The following MAML2 variants were observed in gnomAD, a reference collection of about 807,000 sequenced individuals.
MAML2 encodes mastermind-like protein 2.
A neutral mutation model predicts 96.1 loss-of-function variants in MAML2; 22 were observed. The ratio of observed to expected loss-of-function variants is 0.23; its 90% CI spans 0.16 to 0.33. The LOEUF (loss-of-function observed/expected upper bound fraction) is 0.33. MAML2 is among the 10% of genes least tolerant of loss of function. The pLI, the probability that MAML2 is intolerant of heterozygous loss-of-function variation, is 1.00. For missense variants in MAML2, 1,367 were observed against 1,392.4 expected (o/e 0.98, Z 0.29); for synonymous variants, 561 against 521.3 (o/e 1.08, Z -1.04).
chr11:96,174,353 C>T (rs958473680), intron 1 of MAML2, among the ~76,000 whole-genome samples: 3 of 152,194 alleles, frequency 2.0e-5, no homozygotes, highest in African/African-American at 7.2e-5. Context: ...CTGAAATTCT[C>T]CAGCCAACAT....
intron 1 of MAML2, among the ~76,000 whole-genome samples, chr11:96,202,125 A>G (rs1861832186): frequency 6.9e-6 from 1 of 145,044 alleles, no homozygotes; most frequent in Non-Finnish European, 1.5e-5. Flanking sequence ...TGAGGTCAGG[A>G]GATCAAGACT....
intron 1 of MAML2, among the ~76,000 whole-genome samples, chr11:96,292,129 G>C (rs1863222223): frequency 6.6e-6 from 1 of 152,156 alleles, no homozygotes; most frequent in African/African-American, 2.4e-5. Flanking sequence ...AACTACTGCT[G>C]TCATCCTTGG....
At chr11:96,294,475 G>A (rs949511602) in intron 1 of MAML2, among the ~76,000 whole-genome samples, 1 of 152,244 alleles carries the variant, frequency 6.6e-6, no homozygotes, top group Non-Finnish European at 1.5e-5. Flanking sequence ...TTCACCAGTT[G>A]TAGCTAAATG....
At chr11:96,137,079 A>G (rs1004704402) in intron 1 of MAML2, among the ~76,000 whole-genome samples, 2 of 152,180 alleles carry the variant, frequency 1.3e-5, no homozygotes, top group African/African-American at 2.4e-5. Context: ...TCAATTTTCC[A>G]TGAGTTCAGG....
At chr11:96,110,864 G>T (rs909664980) in intron 1 of MAML2, among the ~76,000 whole-genome samples, 2 of 152,180 alleles carry the variant, frequency 1.3e-5, no homozygotes, top group Non-Finnish European at 2.9e-5. Context: ...GATAACCAAA[G>T]ATATTTCAAA....
chr11:96,299,499 A>C (rs958685496), intron 1 of MAML2, among the ~76,000 whole-genome samples: 11 of 151,998 alleles, frequency 7.2e-5, no homozygotes, highest in Non-Finnish European at 1.0e-4. Flanking sequence ...GGAGCAGCTG[A>C]GACTCTCCAC....
chr11:96,162,582 A>C (rs532699866), intron 1 of MAML2, among the ~76,000 whole-genome samples: 56 of 152,132 alleles, frequency 3.7e-4, no homozygotes, highest in African/African-American at 1.3e-3. Flanking sequence ...ATGGTGGTGC[A>C]TGCCGGTAAT....
At chr11:96,189,252 C>T (rs1861618860) in intron 1 of MAML2, among the ~76,000 whole-genome samples, 1 of 152,076 alleles carries the variant, frequency 6.6e-6, no homozygotes, top group South Asian at 2.1e-4. Flanking sequence ...GCCAATAGGA[C>T]CTAATCTGAC....
chr11:96,341,642 C>T lies in MAML2; in HGVS notation c.254G>A (p.Gly85Glu), dbSNP rs1362151016. The change falls in exon 1 of 5, where the codon GGG (glycine) becomes GAG (glutamate). Residue 85 changes from glycine to glutamate, a missense_variant. Physicochemically the swap from Gly to Glu is moderately conservative, Grantham distance 98. Transcript: ENST00000524717. ...GGTGTGTTTGCCAGCTTTCCTTGCCCCCTGGCCATGCTGTACAAGGCTCAG... is the reference window on the plus strand; with the variant it reads ...GGTGTGTTTGCCAGCTTTCCTTGCCTCCTGGCCATGCTGTACAAGGCTCAG... ...QLLSLVQHGQ[G>E]ARKAGKHTKA... The T allele has an allele frequency of 4.5e-6, 7 of 1,558,730 alleles. No homozygotes were observed. The highest frequency in any genetic ancestry group is 4.1e-5 in the African/African-American group (3 of 73,500).
chr11:96,086,389 T>A (rs1448263068), intron 2 of MAML2, among the ~76,000 whole-genome samples: 1 of 152,186 alleles, frequency 6.6e-6, no homozygotes, highest in Non-Finnish European at 1.5e-5. Flanking sequence ...GAATTTTCTT[T>A]ATTATGTAAA....
intron 1 of MAML2, among the ~76,000 whole-genome samples, chr11:96,319,126 C>T (rs1863669645): frequency 6.6e-6 from 1 of 152,220 alleles, no homozygotes; most frequent in African/African-American, 2.4e-5. Flanking sequence ...CTTGAGAACA[C>T]TCATGCAGCC....
rs142923604 is a variant in MAML2, at chr11:96,232,085, G to A, written c.513+109298C>T. 3.6e-3 allele frequency among the ~76,000 whole-genome samples: 555 copies of A among 152,280 alleles called. 13 individuals are homozygous for A. Among genetic ancestry groups the A allele is most frequent in the Admixed American group, 0.024 (368 of 15,298 alleles). The stretch of plus-strand genomic sequence containing the variant: ...TTGCCTCTGGCTGATGTAGTAACAT[G>A]TGGTATCCTGCCATTCACATCACTG... On this transcript the variant is annotated intron_variant, in intron 1 of 4. Coordinates refer to ENST00000524717, the MANE Select transcript of MAML2 (RefSeq NM_032427.4).
intron 2 of MAML2, among the ~76,000 whole-genome samples, chr11:96,056,208 G>T (rs1331189504): frequency 1.3e-5 from 2 of 152,154 alleles, no homozygotes; most frequent in African/African-American, 4.8e-5. Flanking sequence ...CACAGGGCAG[G>T]CTCTTAGCAC....
At chr11:96,140,528 C>G (rs180740508) in intron 1 of MAML2, among the ~76,000 whole-genome samples, 13 of 152,230 alleles carry the variant, frequency 8.5e-5, no homozygotes, top group Non-Finnish European at 1.5e-4. Flanking sequence ...TTGAGCAAAC[C>G]ATAAGAAGCT....
chr11:96,083,110 C>T (rs1263748556), intron 2 of MAML2, among the ~76,000 whole-genome samples: 1 of 152,218 alleles, frequency 6.6e-6, no homozygotes, highest in Admixed American at 6.5e-5. Flanking sequence ...GAAAATGAGA[C>T]AGAGGATGGG....
chr11:96,062,447 AC>A (rs1374373428), intron 2 of MAML2, among the ~76,000 whole-genome samples: 1 of 152,224 alleles, frequency 6.6e-6, no homozygotes, highest in Admixed American at 6.5e-5. Context: ...GCTGGAAATA[AC>A]CTTGTAACAG....
At chr11:96,055,722 C>T (rs980550789) in intron 2 of MAML2, among the ~76,000 whole-genome samples, 4 of 152,142 alleles carry the variant, frequency 2.6e-5, no homozygotes, top group Non-Finnish European at 5.9e-5. Context: ...TGTAACCAAG[C>T]GCCGAACATG....
chr11:96,198,806 G>A (rs1861768975), intron 1 of MAML2, among the ~76,000 whole-genome samples: 1 of 152,068 alleles, frequency 6.6e-6, no homozygotes, highest in South Asian at 2.1e-4. Flanking sequence ...CAAAATAAGG[G>A]CTACATTTTC....
intron 1 of MAML2, among the ~76,000 whole-genome samples, chr11:96,201,372 T>A (rs1410292641): frequency 6.6e-6 from 1 of 152,194 alleles, no homozygotes; most frequent in African/African-American, 2.4e-5. Context: ...CATTTTGCCA[T>A]GTACAATTCC....
Sources: gnomAD v4.1 joint callset for allele counts (sites outside exome capture counted in the v4.1 genomes callset) on GRCh38, gnomAD v4.1.1 for gene constraint, MANE v1.5 for transcripts, NCBI Gene and HGNC (gene_info 2026-07-23, HGNC 2026-07-21) for gene names.